The following TMCC1 variants were observed in gnomAD, a reference collection of about 807,000 sequenced individuals.
TMCC1 encodes the protein transmembrane and coiled-coil domains protein 1.
TMCC1 carries 15 observed loss-of-function variants against 52.4 expected under a neutral mutation model. That is an observed-to-expected ratio of 0.29 (90% CI 0.19 to 0.44). The LOEUF (loss-of-function observed/expected upper bound fraction) is 0.44. TMCC1 is among the 20% of genes least tolerant of loss of function. TMCC1 has a pLI of 1.00. For missense variants in TMCC1, 503 were observed against 806.0 expected, an observed-to-expected ratio of 0.62 and a Z score of 4.55; for synonymous variants, 279 against 301.9, an observed-to-expected ratio of 0.92 and a Z score of 0.79.
chr3:129,772,894 T>C (rs533619562), intron 4 of TMCC1, among the ~76,000 whole-genome samples: 36 of 152,264 alleles, frequency 2.4e-4, no homozygotes, highest in African/African-American at 8.2e-4. Flanking sequence ...CAACCTACTC[T>C]GTTGGTAAAA....
chr3:129,653,472 C>T (rs2086470411), intron 6 of TMCC1, among the ~76,000 whole-genome samples: 1 of 152,224 alleles, frequency 6.6e-6, no homozygotes, highest in African/African-American at 2.4e-5. Flanking sequence ...GAGACGGAGT[C>T]TCGCTCTGTC....
chr3:129,766,657 A>G (rs1338490651), intron 4 of TMCC1, among the ~76,000 whole-genome samples: 1 of 151,930 alleles, frequency 6.6e-6, no homozygotes, highest in African/African-American at 2.4e-5. Flanking sequence ...GCCTCACTCT[A>G]TCGCCCAGGC....
intron 4 of TMCC1, among the ~76,000 whole-genome samples, chr3:129,763,476 G>A (rs1307271869): frequency 6.9e-6 from 1 of 144,970 alleles, no homozygotes; most frequent in African/African-American, 2.5e-5. Flanking sequence ...AACCCAGGAG[G>A]TGGTTGCAGT....
intron 4 of TMCC1, among the ~76,000 whole-genome samples, chr3:129,775,742 C>T (rs1036856901): frequency 1.3e-5 from 2 of 152,132 alleles, no homozygotes; most frequent in Admixed American, 6.5e-5. Flanking sequence ...AAAATATAGC[C>T]GAAATCTATC....
chr3:129,688,263 T>TAA lies in TMCC1; in HGVS notation c.577-17001_577-17000dup, dbSNP rs36118217. Reference sequence around the variant, plus strand: ...GCACTGCCAGAGAAAGCTTGGATGGTAAAAAAAAAAAAATCACAACCTCTC... The same window carrying TAA: ...GCACTGCCAGAGAAAGCTTGGATGGTAAAAAAAAAAAAAAATCACAACCTCTC... On this transcript the variant is annotated intron_variant, in intron 4 of 6. Coordinates refer to ENST00000393238, the MANE Select transcript of TMCC1 (RefSeq NM_001017395.5). The TAA allele has an allele frequency of 1.4e-4, 120 of 838,682 alleles. No individual in the cohort carries two copies. In the Admixed American group the frequency reaches 3.5e-3, roughly 24 times the overall value. 52.0% of individuals were successfully genotyped at this position (838,682 alleles called of 1,614,324 possible).
intron 2 of TMCC1, among the ~76,000 whole-genome samples, chr3:129,846,575 G>T (rs539333227): frequency 6.6e-6 from 1 of 152,082 alleles, no homozygotes; most frequent in African/African-American, 2.4e-5. Context: ...GGGAATTTGT[G>T]ATTTAGCAAC....
intron 4 of TMCC1, among the ~76,000 whole-genome samples, chr3:129,756,104 A>G (rs1200968458): frequency 5.5e-5 from 8 of 145,754 alleles, no homozygotes; most frequent in African/African-American, 1.7e-4. Context: ...TCTCAAGAAA[A>G]AAAAAAAAAA....
chr3:129,760,037 A>G (rs983096337), intron 4 of TMCC1, among the ~76,000 whole-genome samples: 1 of 151,610 alleles, frequency 6.6e-6, no homozygotes, highest in Non-Finnish European at 1.5e-5. Flanking sequence ...AATTTTTTTT[A>G]ATTAATAGAT....
intron 4 of TMCC1, among the ~76,000 whole-genome samples, chr3:129,685,273 A>G (rs2089315694): frequency 6.6e-6 from 1 of 152,116 alleles, no homozygotes. Context: ...CCAGCTACTC[A>G]GGAGGCTAAG....
intron 2 of TMCC1, among the ~76,000 whole-genome samples, chr3:129,850,693 A>G (rs1560546214): frequency 6.6e-6 from 1 of 152,198 alleles, no homozygotes; most frequent in African/African-American, 2.4e-5. Context: ...TGTGAAGTGG[A>G]AAATCAGGGG....
At chr3:129,763,808 AGAGT>A (rs1241577113) in intron 4 of TMCC1, among the ~76,000 whole-genome samples, 1 of 151,800 alleles carries the variant, frequency 6.6e-6, no homozygotes, top group Non-Finnish European at 1.5e-5. Context: ...CCTGGGAGAC[AGAGT>A]GAGACTCTGT....
At chr3:129,727,482 A>C (rs2050196736) in intron 4 of TMCC1, among the ~76,000 whole-genome samples, 1 of 152,222 alleles carries the variant, frequency 6.6e-6, no homozygotes, top group African/African-American at 2.4e-5. Context: ...ATCTTTATAA[A>C]GATGTAAGTC....
chr3:129,782,567 C>T (rs542630774), intron 4 of TMCC1, among the ~76,000 whole-genome samples: 4 of 152,202 alleles, frequency 2.6e-5, no homozygotes, highest in South Asian at 2.1e-4. Context: ...ATATATTTTA[C>T]GGTCTTCAAA....
intron 4 of TMCC1, among the ~76,000 whole-genome samples, chr3:129,779,305 G>C (rs2055317960): frequency 6.6e-6 from 1 of 151,918 alleles, no homozygotes; most frequent in Admixed American, 6.6e-5. Context: ...TTTCTACACA[G>C]GCTAAAGCCA....
intron 4 of TMCC1, among the ~76,000 whole-genome samples, chr3:129,770,606 T>A (rs528289025): frequency 3.2e-5 from 4 of 124,762 alleles, no homozygotes; most frequent in South Asian, 2.6e-4. Flanking sequence ...ATAAAATAAA[T>A]GAAATGAAAT....
intron 4 of TMCC1, among the ~76,000 whole-genome samples, chr3:129,817,913 A>G (rs2107808400): frequency 6.6e-6 from 1 of 152,202 alleles, no homozygotes; most frequent in Middle Eastern, 3.4e-3. Flanking sequence ...CCCAAGTTCA[A>G]GCAATTCTCC....
chr3:129,843,926 AC>A (rs1183658248), intron 2 of TMCC1, among the ~76,000 whole-genome samples: 8 of 148,490 alleles, frequency 5.4e-5, no homozygotes, highest in African/African-American at 1.5e-4. Context: ...AAAAAAAAAA[AC>A]AACTCTGCAT....
rs560210476 is a variant in TMCC1, at chr3:129,658,649, A to G, written c.1512-3546T>C. Among the ~76,000 whole-genome samples, 6 of 152,330 alleles carry G rather than the reference A, an allele frequency of 3.9e-5. No individual in the cohort carries two copies. In the East Asian group the frequency reaches 9.6e-4, roughly 24 times the overall value. ...AGGCATGCTTATCTTTACAAATAAC[A>G]TGAGGCAAGAAAGAGGTGAAACAGC... On this transcript the variant is annotated intron_variant, in intron 5 of 6. Coordinates refer to ENST00000393238, the MANE Select transcript of TMCC1 (RefSeq NM_001017395.5).
chr3:129,890,558 T>C (rs1455181282), intron 1 of TMCC1, among the ~76,000 whole-genome samples: 2 of 152,312 alleles, frequency 1.3e-5, no homozygotes, highest in South Asian at 4.1e-4. Context: ...AACATAAAAA[T>C]AGAATTAAAC....
Sources: gnomAD v4.1 joint callset for allele counts (sites outside exome capture counted in the v4.1 genomes callset) on GRCh38, gnomAD v4.1.1 for gene constraint, MANE v1.5 for transcripts, NCBI Gene and HGNC (gene_info 2026-07-23, HGNC 2026-07-21) for gene names.